Variants in EPHA6 observed in about 807,000 individuals in gnomAD.
The protein encoded by EPHA6 is ephrin type-A receptor 6.
Under a neutral mutation model 112.0 loss-of-function variants are expected in EPHA6, and 50 were observed. The observed-to-expected ratio is 0.45, with a 90% CI of 0.36 to 0.56. The LOEUF (loss-of-function observed/expected upper bound fraction) is 0.56. EPHA6 is among the 20% of genes least tolerant of loss of function. The probability of loss-of-function intolerance (pLI) is 0.00; values close to 1 mark genes in which losing one functional copy is unlikely to be tolerated. For missense variants in EPHA6, 1,280 were observed against 1,417.4 expected (o/e 0.90, Z 1.56); for synonymous variants, 529 against 490.7 (o/e 1.08, Z -1.03).
chr3:97,176,960 A>G (rs2076853526), intron 3 of EPHA6, among the ~76,000 whole-genome samples: 1 of 151,088 alleles, frequency 6.6e-6, no homozygotes, highest in Admixed American at 6.6e-5. Context: ...CTAGTTCTTC[A>G]AGATGCATCA....
At chr3:97,567,033 A>G (rs1038233505) in intron 11 of EPHA6, among the ~76,000 whole-genome samples, 2 of 152,208 alleles carry the variant, frequency 1.3e-5, no homozygotes, top group African/African-American at 4.8e-5. Flanking sequence ...AGGAAAATCA[A>G]TGTGCTCTTC....
intron 11 of EPHA6, among the ~76,000 whole-genome samples, chr3:97,570,689 A>C (rs1237830498): frequency 2.0e-5 from 3 of 151,986 alleles, no homozygotes; most frequent in Admixed American, 2.0e-4. Flanking sequence ...AGATCACACC[A>C]CTGTACTCCA....
At chr3:96,971,322 A>G (rs1376798846) in intron 2 of EPHA6, among the ~76,000 whole-genome samples, 2 of 152,156 alleles carry the variant, frequency 1.3e-5, no homozygotes, top group African/African-American at 4.8e-5. Context: ...GTTGTCTTCC[A>G]GATACACCAC....
rs1375076549 is a variant in EPHA6, at chr3:97,759,612, C to G, written c.*10911C>G. ...AGGGAGGTTAATTTTTGATAGGTGCCGGAATATAGAACTCCAATGAAAGGA... is the reference window on the plus strand; with the variant it reads ...AGGGAGGTTAATTTTTGATAGGTGCGGGAATATAGAACTCCAATGAAAGGA... On this transcript the variant is annotated 3_prime_UTR_variant, in exon 18 of 18. Transcript: ENST00000389672. The G allele has an allele frequency of 4.4e-6, 1 of 229,860 alleles. No homozygotes were observed. The allele number at this position is 229,860 out of a possible 1,614,324, so 14.2% of individuals were successfully genotyped here.
At position 97,145,822 on chromosome 3, in the gene EPHA6, A is replaced by G. The variant is rs577896438; in HGVS notation, c.1115-80442A>G. Reference sequence around the variant, plus strand: ...TGTTTTGGGTGCAACGTGTAGCTTAAGAGATAGCAAAATGCATCATATAAT... The same window carrying G: ...TGTTTTGGGTGCAACGTGTAGCTTAGGAGATAGCAAAATGCATCATATAAT... On this transcript the variant is annotated intron_variant, in intron 3 of 17. Coordinates refer to ENST00000389672, the MANE Select transcript of EPHA6 (RefSeq NM_001080448.3). Among the ~76,000 whole-genome samples the G allele has an allele frequency of 3.0e-3, 462 of 151,808 alleles. 4 individuals carry two copies. The South Asian group carries it at 0.053, about 17-fold the overall frequency.
At chr3:96,889,370 G>A (rs2037822715) in intron 2 of EPHA6, among the ~76,000 whole-genome samples, 1 of 152,122 alleles carries the variant, frequency 6.6e-6, no homozygotes. Context: ...TAATAAAGAC[G>A]TATCCGAGAC....
chr3:97,703,664 C>T (rs2033521965), intron 14 of EPHA6, among the ~76,000 whole-genome samples: 2 of 152,134 alleles, frequency 1.3e-5, no homozygotes, highest in African/African-American at 4.8e-5. Context: ...AGCACAATCA[C>T]ATATATTATC....
intron 14 of EPHA6, among the ~76,000 whole-genome samples, chr3:97,658,963 A>G (rs1392280074): frequency 6.6e-6 from 1 of 151,944 alleles, no homozygotes; most frequent in Non-Finnish European, 1.5e-5. Flanking sequence ...TTCTTAGTTT[A>G]ATATTGCCTG....
intron 5 of EPHA6, among the ~76,000 whole-genome samples, chr3:97,324,165 A>T (rs2082253597): frequency 6.6e-6 from 1 of 151,956 alleles, no homozygotes. Context: ...GCTTATGTAG[A>T]TTTCCATTTT....
chr3:97,149,467 T>A (rs1304378253), intron 3 of EPHA6, among the ~76,000 whole-genome samples: 1 of 152,120 alleles, frequency 6.6e-6, no homozygotes, highest in African/African-American at 2.4e-5. Flanking sequence ...CTGTATAATA[T>A]ATATAAAGAA....
At chr3:97,364,668 G>T (rs554343463) in intron 5 of EPHA6, among the ~76,000 whole-genome samples, 1 of 151,786 alleles carries the variant, frequency 6.6e-6, no homozygotes, top group African/African-American at 2.4e-5. Context: ...GTAATTATTC[G>T]CCCTCAGCAA....
intron 5 of EPHA6, among the ~76,000 whole-genome samples, chr3:97,381,779 A>G (rs1489965923): frequency 6.6e-6 from 1 of 152,138 alleles, no homozygotes; most frequent in Non-Finnish European, 1.5e-5. Context: ...ATCATGCCTA[A>G]TTAAATTAAA....
At chr3:97,277,290 ACAGT>A (rs1489600838) in intron 5 of EPHA6, among the ~76,000 whole-genome samples, 4 of 151,982 alleles carry the variant, frequency 2.6e-5, no homozygotes, top group African/African-American at 9.7e-5. Context: ...AAGGAAAATT[ACAGT>A]CAAAGGGGAG....
intron 3 of EPHA6, among the ~76,000 whole-genome samples, chr3:97,117,556 C>A (rs983780281): frequency 4.0e-5 from 6 of 151,708 alleles, no homozygotes; most frequent in Admixed American, 1.3e-4. Context: ...TTTCCCAGCA[C>A]CATTTGTTGG....
intron 3 of EPHA6, among the ~76,000 whole-genome samples, chr3:97,037,675 G>A (rs1046163279): frequency 2.6e-5 from 4 of 151,862 alleles, no homozygotes; most frequent in African/African-American, 4.8e-5. Flanking sequence ...AGAGGAGAGC[G>A]GATCATAAGA....
intron 1 of EPHA6, among the ~76,000 whole-genome samples, chr3:96,843,328 A>G (rs778888261): frequency 6.6e-6 from 1 of 152,122 alleles, no homozygotes; most frequent in Non-Finnish European, 1.5e-5. Context: ...TTGGCTAGAA[A>G]TGAAAATTAA....
At chr3:97,372,642 C>T (rs2085123663) in intron 5 of EPHA6, among the ~76,000 whole-genome samples, 1 of 152,028 alleles carries the variant, frequency 6.6e-6, no homozygotes, top group African/African-American at 2.4e-5. Context: ...CATGCATTAA[C>T]ACAGGTACAT....
intron 10 of EPHA6, among the ~76,000 whole-genome samples, chr3:97,515,924 A>G (rs901399177): frequency 6.6e-6 from 1 of 151,326 alleles, no homozygotes; most frequent in Non-Finnish European, 1.5e-5. Context: ...ATCCTTAACC[A>G]CTGTATGATA....
At chr3:97,430,260 A>G (rs1364787351) in intron 6 of EPHA6, among the ~76,000 whole-genome samples, 1 of 152,092 alleles carries the variant, frequency 6.6e-6, no homozygotes, top group Non-Finnish European at 1.5e-5. Context: ...AATTTCAAAG[A>G]ATATTTGAAG....
Sources: gnomAD v4.1 joint callset for allele counts (sites outside exome capture counted in the v4.1 genomes callset) on GRCh38, gnomAD v4.1.1 for gene constraint, MANE v1.5 for transcripts, NCBI Gene and HGNC (gene_info 2026-07-23, HGNC 2026-07-21) for gene names.